Variants in HIVEP1 observed in about 807,000 individuals in gnomAD.
HIVEP1 encodes HIVEP zinc finger 1.
HIVEP1 carries 36 observed loss-of-function variants against 180.0 expected under a neutral mutation model. The ratio of observed to expected loss-of-function variants is 0.20; its 90% CI spans 0.15 to 0.26. The LOEUF (loss-of-function observed/expected upper bound fraction) is 0.26, where lower values mean the gene tolerates loss of function less well. Ranked by LOEUF, HIVEP1 falls within the 10% of genes least tolerant of loss-of-function variation. The pLI, the probability that HIVEP1 is intolerant of heterozygous loss-of-function variation, is 1.00. For synonymous variants in HIVEP1, 1,239 were observed against 1,239.0 expected (o/e 1.00, Z 0.00); for missense variants, 3,143 against 3,268.7 (o/e 0.96, Z 0.94).
intron 2 of HIVEP1, among the ~76,000 whole-genome samples, chr6:12,076,482 C>T (rs571242247): frequency 2.0e-5 from 3 of 152,276 alleles, no homozygotes; most frequent in Admixed American, 2.0e-4. Flanking sequence ...TTCTTTTTCA[C>T]AGTTCTGGGG....
intron 3 of HIVEP1, among the ~76,000 whole-genome samples, chr6:12,107,530 G>C (rs997018879): frequency 6.6e-6 from 1 of 152,138 alleles, no homozygotes; most frequent in Non-Finnish European, 1.5e-5. Context: ...GGACCCTCAC[G>C]GTGAGTGTTA....
At chr6:12,018,812 A>T (rs941204279) in intron 2 of HIVEP1, among the ~76,000 whole-genome samples, 3 of 152,222 alleles carry the variant, frequency 2.0e-5, no homozygotes, top group African/African-American at 7.2e-5. Context: ...CTTCTAGAGC[A>T]TAAGAAGTTC....
chr6:12,167,646 CATATATATGTTATATATACATATATACAT>C (rs1760748448), downstream of HIVEP1, among the ~76,000 whole-genome samples: 1 of 22,070 alleles, frequency 4.5e-5, no homozygotes, highest in Non-Finnish European at 7.2e-5. Context: ...TATACATATA[CATATATATGTTATATATACATATATACAT>C]ATATGTGTAT....
chr6:12,135,552 G>A (rs769272135), intron 6 of HIVEP1, among the ~76,000 whole-genome samples: 1 of 151,930 alleles, frequency 6.6e-6, no homozygotes, highest in African/African-American at 2.4e-5. Context: ...GAAAACATAA[G>A]GTAAAGGAGA....
chr6:12,199,798 G>A, the HIVEP1 span, among the ~76,000 whole-genome samples: 20 of 152,182 alleles, frequency 1.3e-4, no homozygotes, highest in Non-Finnish European at 1.8e-4. Flanking sequence ...TGCACATCCA[G>A]CCCTTCTCGT....
intron 7 of HIVEP1, among the ~76,000 whole-genome samples, chr6:12,138,347 G>A (rs1346040672): frequency 2.0e-5 from 3 of 152,152 alleles, no homozygotes; most frequent in African/African-American, 7.2e-5. Flanking sequence ...TGATTACTAA[G>A]ATTGGGTCTC....
chr6:12,027,017 A>T (rs1445845571), intron 2 of HIVEP1, among the ~76,000 whole-genome samples: 1 of 152,234 alleles, frequency 6.6e-6, no homozygotes, highest in Admixed American at 6.5e-5. Flanking sequence ...ATAAAGTTTT[A>T]TAGAAACATA....
chr6:12,166,504 A>G (rs1415693707), downstream of HIVEP1, among the ~76,000 whole-genome samples: 1 of 152,196 alleles, frequency 6.6e-6, no homozygotes, highest in Non-Finnish European at 1.5e-5. Context: ...ACTATTGGCA[A>G]CTTTCAAGCT....
At chr6:12,115,254 T>C (rs949406376) in intron 3 of HIVEP1, among the ~76,000 whole-genome samples, 1 of 151,340 alleles carries the variant, frequency 6.6e-6, no homozygotes, top group Middle Eastern at 3.4e-3. Flanking sequence ...CAAAGAAACA[T>C]AGAAGCCCTA....
intron 2 of HIVEP1, among the ~76,000 whole-genome samples, chr6:12,034,709 C>T (rs1769168161): frequency 6.6e-6 from 1 of 152,200 alleles, no homozygotes; most frequent in African/African-American, 2.4e-5. Flanking sequence ...TCTCTAAGTC[C>T]CAGTTTCGTA....
intron 7 of HIVEP1, among the ~76,000 whole-genome samples, chr6:12,155,298 G>T (rs1759963145): frequency 6.6e-6 from 1 of 152,110 alleles, no homozygotes; most frequent in Admixed American, 6.5e-5. Context: ...TGCAGGGTGT[G>T]CAGGTTTGTC....
intron 4 of HIVEP1, among the ~76,000 whole-genome samples, chr6:12,127,587 TG>T (rs1374221120): frequency 6.6e-6 from 1 of 152,148 alleles, no homozygotes; most frequent in Admixed American, 6.6e-5. Flanking sequence ...GAGATTCTTT[TG>T]TGTAGAGTAG....
chr6:12,010,607 A>G (rs562265239), upstream of HIVEP1, among the ~76,000 whole-genome samples: 3 of 145,510 alleles, frequency 2.1e-5, no homozygotes, highest in South Asian at 6.5e-4. Flanking sequence ...TTCATCAGGG[A>G]TTTTTTTTTT....
At chr6:12,166,043 A>G (rs1413803766), downstream of HIVEP1, among the ~76,000 whole-genome samples, 1 of 152,204 alleles carries the variant, frequency 6.6e-6, no homozygotes, top group Admixed American at 6.5e-5. Context: ...AAAAACAATA[A>G]AACTACATTT....
intron 2 of HIVEP1, among the ~76,000 whole-genome samples, chr6:12,034,772 G>T (rs1377927478): frequency 6.6e-6 from 1 of 152,160 alleles, no homozygotes; most frequent in Admixed American, 6.5e-5. Context: ...TTGAAAGAGA[G>T]GAAAAAGGAA....
At chr6:12,064,782 A>T (rs980746832) in intron 2 of HIVEP1, among the ~76,000 whole-genome samples, 4 of 152,188 alleles carry the variant, frequency 2.6e-5, no homozygotes, top group Admixed American at 2.0e-4. Context: ...TCTGTTGATC[A>T]GTTAGATCAG....
intron 2 of HIVEP1, among the ~76,000 whole-genome samples, chr6:12,051,022 ATATATATATG>A (rs1431042283): frequency 9.4e-5 from 13 of 137,618 alleles, no homozygotes; most frequent in South Asian, 2.3e-4. Context: ...ATATATATAT[ATATATATATG>A]TATATTAAAA....
intron 2 of HIVEP1, among the ~76,000 whole-genome samples, chr6:12,021,383 TC>T (rs1267211831): frequency 6.6e-6 from 1 of 152,208 alleles, no homozygotes; most frequent in East Asian, 1.9e-4. Flanking sequence ...TTACTTCTTC[TC>T]CTTTTCCATT....
chr6:12,126,065 G>A (rs1190803635), intron 4 of HIVEP1, among the ~76,000 whole-genome samples, 195 bp downstream of exon 4: 1 of 152,184 alleles, frequency 6.6e-6, no homozygotes, highest in African/African-American at 2.4e-5. Context: ...GAGTCTTGCA[G>A]TGATTCTATC....
Sources: allele counts gnomAD v4.1 joint callset (sites outside exome capture counted in the v4.1 genomes callset), GRCh38; gene constraint gnomAD v4.1.1; transcripts MANE v1.5; gene names NCBI Gene and HGNC (gene_info 2026-07-23, HGNC 2026-07-21).